Variants in UNC13C observed in about 807,000 individuals in gnomAD.
The protein encoded by UNC13C is protein unc-13 homolog C.
In UNC13C, 174 loss-of-function variants were observed where a neutral mutation model predicts 245.4. That is an observed-to-expected ratio of 0.71 (90% CI 0.63 to 0.80). The LOEUF is 0.80. Ranked by LOEUF, UNC13C falls within the 30% of genes least tolerant of loss-of-function variation. The pLI is 0.00. For synonymous variants in UNC13C, 992 were observed against 895.1 expected (o/e 1.11, Z -1.93); for missense variants, 2,829 against 2,602.9 (o/e 1.09, Z -1.89).
At chr15:54,572,678 A>G (rs1897808987) in intron 30 of UNC13C, among the ~76,000 whole-genome samples, 1 of 152,002 alleles carries the variant, frequency 6.6e-6, no homozygotes, top group Non-Finnish European at 1.5e-5. Context: ...TGCCCACGTC[A>G]GCCTCCCAAA....
intron 30 of UNC13C, among the ~76,000 whole-genome samples, chr15:54,599,604 G>T (rs768220610): frequency 6.6e-6 from 1 of 152,074 alleles, no homozygotes; most frequent in Non-Finnish European, 1.5e-5. Context: ...AGCCTCAAGA[G>T]AGCCATTGTT....
At chr15:54,457,689 T>C (rs148020041) in intron 19 of UNC13C, among the ~76,000 whole-genome samples, 78 of 152,204 alleles carry the variant, frequency 5.1e-4, no homozygotes, top group African/African-American at 1.6e-3. Flanking sequence ...CCTTGAATGA[T>C]CTTTTGTATT....
intron 4 of UNC13C, among the ~76,000 whole-genome samples, chr15:54,179,574 A>G (rs973601445): frequency 6.6e-6 from 1 of 152,094 alleles, no homozygotes; most frequent in Non-Finnish European, 1.5e-5. Flanking sequence ...CAATACATCT[A>G]AAGGAAGCTC....
intron 1 of UNC13C, among the ~76,000 whole-genome samples, chr15:54,007,735 C>T (rs542252862): frequency 6.6e-6 from 1 of 152,144 alleles, no homozygotes; most frequent in East Asian, 1.9e-4. Context: ...ATGTAACAAA[C>T]CTGCACATCC....
At chr15:53,873,182 G>A in the UNC13C span, among the ~76,000 whole-genome samples, 7 of 151,786 alleles carry the variant, frequency 4.6e-5, no homozygotes, top group African/African-American at 1.7e-4. Flanking sequence ...CTCTGGGCTC[G>A]GTCCTGTTTC....
chr15:54,388,021 T>C (rs1310200235), intron 17 of UNC13C, among the ~76,000 whole-genome samples: 2 of 152,108 alleles, frequency 1.3e-5, no homozygotes, highest in African/African-American at 4.8e-5. Context: ...CACAGTCCCT[T>C]TGGCCTCTCC....
chr15:54,346,259 A>T (rs190683963), intron 17 of UNC13C, among the ~76,000 whole-genome samples: 1 of 152,228 alleles, frequency 6.6e-6, no homozygotes, highest in African/African-American at 2.4e-5. Context: ...GCAGTGCCTT[A>T]GTTACTTATT....
At chr15:54,273,905 A>T (rs1016037769) in intron 10 of UNC13C, among the ~76,000 whole-genome samples, 1 of 152,224 alleles carries the variant, frequency 6.6e-6, no homozygotes, top group Non-Finnish European at 1.5e-5. Flanking sequence ...CTGTTGACTC[A>T]GATCCATATG....
chr15:54,049,121 C>A, intron 2 of UNC13C: 1 of 374,338 alleles, frequency 2.7e-6, no homozygotes, highest in South Asian at 2.4e-5. Flanking sequence ...GAGCAATTTT[C>A]AAGATTGCAT....
At chr15:54,417,717 A>G (rs75477690) in intron 19 of UNC13C, among the ~76,000 whole-genome samples, 5 of 152,260 alleles carry the variant, frequency 3.3e-5, no homozygotes, top group East Asian at 1.9e-4. Context: ...AAAAAGAACT[A>G]TGTTAACCAT....
In UNC13C at chr15:54,239,681, G is replaced by A. The variant is rs941005896; in HGVS notation, c.3228+1991G>A. ...TGCCCAGGCTGGTCTCAAACTCCTGGGCTCAAGCAGTTCTTCCACCTCAGC... is the reference window on the plus strand; with the variant it reads ...TGCCCAGGCTGGTCTCAAACTCCTGAGCTCAAGCAGTTCTTCCACCTCAGC... On this transcript the variant is annotated intron_variant, in intron 7 of 32. Coordinates refer to ENST00000260323, the MANE Select transcript of UNC13C (RefSeq NM_001080534.3). Among the ~76,000 whole-genome samples, 9 of 152,094 alleles carry A rather than the reference G, an allele frequency of 5.9e-5. No individual in the cohort carries two copies. In the East Asian group the frequency reaches 1.7e-3, roughly 29 times the overall value.
intron 19 of UNC13C, among the ~76,000 whole-genome samples, chr15:54,434,241 T>A (rs976842451): frequency 1.3e-5 from 2 of 151,932 alleles, no homozygotes; most frequent in Non-Finnish European, 2.9e-5. Flanking sequence ...ACCTTAAATT[T>A]CATATGGAAC....
chr15:54,188,674 G>C (rs911320328), intron 4 of UNC13C, among the ~76,000 whole-genome samples: 1 of 152,092 alleles, frequency 6.6e-6, no homozygotes, highest in African/African-American at 2.4e-5. Context: ...CTGTATATTA[G>C]CCCTTATTTG....
In UNC13C at chr15:54,013,516, A is replaced by C; in HGVS notation, c.613A>C (p.Lys205Gln). Residue 205 changes from lysine to glutamine, a missense_variant, in exon 2 of 33, where the codon AAA becomes CAA. Transcript: ENST00000260323. Reference protein sequence around the residue: ...SSDSELSTMKKSWGIRSKSLD... With the variant: ...SSDSELSTMKQSWGIRSKSLD... ...AGACTCAGAGTTAAGCACCATGAAAAAATCCTGGGGAATAAGAAGTAAGTC... is the reference window on the plus strand; with the variant it reads ...AGACTCAGAGTTAAGCACCATGAAACAATCCTGGGGAATAAGAAGTAAGTC... The C allele has an allele frequency of 6.2e-7, 1 of 1,613,896 alleles. No homozygotes were observed. Among genetic ancestry groups the C allele is most frequent in the Non-Finnish European group, 8.5e-7 (1 of 1,179,848 alleles).
intron 17 of UNC13C, 115 bp downstream of exon 17, chr15:54,338,604 C>A (rs1198669795): frequency 2.6e-6 from 3 of 1,156,586 alleles, no homozygotes; most frequent in Admixed American, 2.5e-5. Flanking sequence ...ACATTAACTG[C>A]AAATTTGAGA....
In UNC13C at chr15:54,515,230, C is replaced by T. The variant is rs183731588; in HGVS notation, c.5457+3400C>T. On this transcript the variant is annotated intron_variant, in intron 24 of 32. Transcript: ENST00000260323. ...ACTAAAACAAGTAAAATAGCCAACC[C>T]GTGTTATAGATGTACTAGAGCTACA... 9.2e-5 allele frequency among the ~76,000 whole-genome samples: 14 copies of T among 152,180 alleles called. No homozygotes were observed. In the East Asian group the frequency reaches 1.7e-3, roughly 19 times the overall value.
chr15:54,175,430 C>A (rs1255678915), intron 4 of UNC13C, among the ~76,000 whole-genome samples: 2 of 152,022 alleles, frequency 1.3e-5, no homozygotes, highest in Admixed American at 6.6e-5. Context: ...GTGAGTCTTC[C>A]CTGGTACCAA....
At chr15:54,194,710 A>G (rs1029027938) in intron 4 of UNC13C, among the ~76,000 whole-genome samples, 3 of 152,124 alleles carry the variant, frequency 2.0e-5, no homozygotes, top group Non-Finnish European at 4.4e-5. Context: ...GTTGAAATGG[A>G]GGGGGATACC....
At chr15:54,590,607 G>A (rs184220469) in intron 30 of UNC13C, among the ~76,000 whole-genome samples, 12 of 152,234 alleles carry the variant, frequency 7.9e-5, no homozygotes, top group East Asian at 1.9e-4. Context: ...TGCTGTTGGC[G>A]TATAGAAGAG....
Sources: allele counts gnomAD v4.1 joint callset (sites outside exome capture counted in the v4.1 genomes callset), GRCh38; gene constraint gnomAD v4.1.1; transcripts MANE v1.5; gene names NCBI Gene and HGNC (gene_info 2026-07-23, HGNC 2026-07-21).